Variants in KIF26B observed in about 807,000 individuals in gnomAD.
KIF26B encodes the protein kinesin family member 26B, also known as kinesin-like protein KIF26B.
A neutral mutation model predicts 151.2 loss-of-function variants in KIF26B; 63 were observed. The observed-to-expected ratio is 0.42, with a 90% CI of 0.34 to 0.51. The LOEUF is 0.51. KIF26B is among the 20% of genes least tolerant of loss of function. The pLI is 0.07. For synonymous variants in KIF26B, 1,357 were observed against 1,262.1 expected, an observed-to-expected ratio of 1.08 and a Z score of -1.59; for missense variants, 2,813 against 2,913.6, an observed-to-expected ratio of 0.97 and a Z score of 0.79.
intron 10 of KIF26B, among the ~76,000 whole-genome samples, chr1:245,674,745 T>G (rs1273401560): frequency 1.3e-5 from 2 of 152,332 alleles, no homozygotes; most frequent in Admixed American, 6.5e-5. Context: ...GCTGAGTTAC[T>G]GCAAAGAAAG....
chr1:245,371,198 C>G (rs528717172), intron 3 of KIF26B, among the ~76,000 whole-genome samples: 22 of 152,242 alleles, frequency 1.4e-4, no homozygotes, highest in African/African-American at 5.3e-4. Context: ...AGATTTGGTG[C>G]CTGGCTATGA....
intron 4 of KIF26B, among the ~76,000 whole-genome samples, chr1:245,469,263 C>G (rs535335435): frequency 3.3e-5 from 5 of 152,302 alleles, no homozygotes; most frequent in Admixed American, 1.3e-4. Flanking sequence ...CACTCCTGCA[C>G]TGTGGCATCC....
At chr1:245,247,497 A>G (rs1165896828) in intron 2 of KIF26B, among the ~76,000 whole-genome samples, 2 of 152,184 alleles carry the variant, frequency 1.3e-5, no homozygotes, top group African/African-American at 4.8e-5. Flanking sequence ...TTGGAGGAAT[A>G]GAAAATTGGT....
chr1:245,554,850 T>G (rs1457380147), intron 5 of KIF26B, among the ~76,000 whole-genome samples: 1 of 152,214 alleles, frequency 6.6e-6, no homozygotes, highest in Non-Finnish European at 1.5e-5. Context: ...CAATGGCATA[T>G]GTAAAACGTG....
At chr1:245,678,841 T>C (rs973570435) in intron 10 of KIF26B, among the ~76,000 whole-genome samples, 5 of 150,186 alleles carry the variant, frequency 3.3e-5, no homozygotes, top group East Asian at 2.0e-4. Context: ...CCAGCCCGGG[T>C]GACAGGGCAA....
intron 8 of KIF26B, among the ~76,000 whole-genome samples, chr1:245,610,624 T>C (rs756270782): frequency 1.3e-5 from 2 of 152,218 alleles, no homozygotes; most frequent in African/African-American, 2.4e-5. Flanking sequence ...TTTCTAGACA[T>C]TCAAATATGC....
intron 2 of KIF26B, among the ~76,000 whole-genome samples, chr1:245,273,818 G>C (rs1197024724): frequency 1.3e-5 from 2 of 152,046 alleles, no homozygotes; most frequent in Non-Finnish European, 2.9e-5. Flanking sequence ...AATCCATTTA[G>C]CTACTGTATG....
chr1:245,297,375 C>G (rs903709149), intron 2 of KIF26B, among the ~76,000 whole-genome samples: 1 of 152,046 alleles, frequency 6.6e-6, no homozygotes, highest in Non-Finnish European at 1.5e-5. Context: ...TTATTATTTC[C>G]ATGTTTACAG....
intron 2 of KIF26B, among the ~76,000 whole-genome samples, chr1:245,215,471 T>G (rs1669625962): frequency 6.6e-6 from 1 of 152,156 alleles, no homozygotes; most frequent in Non-Finnish European, 1.5e-5. Context: ...ATGCTGCTCC[T>G]CAGGGCCTGT....
chr1:245,398,954 A>G (rs555575998), intron 3 of KIF26B, among the ~76,000 whole-genome samples: 4 of 152,270 alleles, frequency 2.6e-5, no homozygotes, highest in Admixed American at 2.0e-4. Context: ...AAGCTCTTCG[A>G]TGCATATTTC....
At chr1:245,400,300 G>A (rs1209874809) in intron 3 of KIF26B, among the ~76,000 whole-genome samples, 7 of 152,122 alleles carry the variant, frequency 4.6e-5, no homozygotes, top group Admixed American at 2.0e-4. Flanking sequence ...GCTGCCCTAA[G>A]TATTTATCCT....
chr1:245,267,632 A>T (rs1391371037), intron 2 of KIF26B, among the ~76,000 whole-genome samples: 1 of 122,898 alleles, frequency 8.1e-6, no homozygotes, highest in East Asian at 2.5e-4. Context: ...CAGCTAAGTA[A>T]TGCACACACA....
At chr1:245,521,125 C>G (rs192575160) in intron 4 of KIF26B, among the ~76,000 whole-genome samples, 2,908 of 152,204 alleles carry the variant, frequency 0.019, 45 homozygotes, top group South Asian at 0.036. Context: ...ATCACGAGGT[C>G]AGGAGATCAA....
chr1:245,274,993 C>T (rs1000221332), intron 2 of KIF26B, among the ~76,000 whole-genome samples: 6 of 152,190 alleles, frequency 3.9e-5, no homozygotes, highest in Admixed American at 3.3e-4. Flanking sequence ...TCTATTGTTT[C>T]CTGACTTTTT....
In KIF26B at chr1:245,315,513, G is replaced by A. The variant is rs377511214; in HGVS notation, c.466-51321G>A. ...TAGGCAGGTGGATCACCTGAGGTCA[G>A]GAGTTCAAGACCAGCCTGGCCAATG... is the stretch of plus-strand genomic sequence containing the variant. On this transcript the variant is annotated intron_variant, in intron 2 of 14. Coordinates refer to ENST00000407071, the MANE Select transcript of KIF26B (RefSeq NM_018012.4). Among the ~76,000 whole-genome samples, 15 of 152,186 alleles carry A rather than the reference G, an allele frequency of 9.9e-5. No individual in the cohort carries two copies. The South Asian group carries it at 2.1e-3, about 21-fold the overall frequency.
rs57119269 is a variant in KIF26B, at chr1:245,601,955, A to G, written c.1351-622A>G. 0.035 allele frequency among the ~76,000 whole-genome samples: 5,359 copies of G among 152,286 alleles called. 302 individuals are homozygous for G. Among genetic ancestry groups the G allele is most frequent in the African/African-American group, 0.12 (5,071 of 41,554 alleles). ...CGCCTCCTGCTCCCTCCAGAGATGC[A>G]CTTCCATTCTCTGAAACGACAACTT... On this transcript the variant is annotated intron_variant, in intron 5 of 14. Coordinates refer to ENST00000407071, the MANE Select transcript of KIF26B (RefSeq NM_018012.4). This position sits in a 1 kb window ranked among gnomAD's most constrained non-coding sequence, Gnocchi z 4.4.
At chr1:245,155,531 T>G (rs1423255728) in intron 1 of KIF26B, 44 bp downstream of exon 1, 7 of 1,528,210 alleles carry the variant, frequency 4.6e-6, no homozygotes, top group Admixed American at 1.8e-5. Flanking sequence ...ACCAGACCCA[T>G]CTCGGCGGAG....
At position 245,704,546 on chromosome 1, in the gene KIF26B, A is replaced by G. The variant is rs1005268516; in HGVS notation, c.*1940A>G. 1.6e-4 allele frequency: 24 copies of G among 152,264 alleles called. No individual in the cohort carries two copies. The highest frequency in any genetic ancestry group is 2.4e-4 in the African/African-American group (10 of 41,464). 9.4% of individuals were successfully genotyped at this position (152,264 alleles called of 1,614,324 possible). On this transcript the variant is annotated 3_prime_UTR_variant, in exon 15 of 15. Transcript: ENST00000407071. ...CTATGCAAAGGTGCAAACAGGAGAC[A>G]TGCCCAAATCTGCTGGCTGAACAGG... is the stretch of plus-strand genomic sequence containing the variant.
At chr1:245,643,134 A>T (rs1253272500) in intron 9 of KIF26B, among the ~76,000 whole-genome samples, 2 of 152,218 alleles carry the variant, frequency 1.3e-5, no homozygotes, top group Admixed American at 1.3e-4. Context: ...TTTCTCAAGC[A>T]TATAGTAGAG....
Sources: allele counts gnomAD v4.1 joint callset (sites outside exome capture counted in the v4.1 genomes callset), GRCh38; gene constraint gnomAD v4.1.1; non-coding constraint Gnocchi (gnomAD v3.1); transcripts MANE v1.5; gene names NCBI Gene and HGNC (gene_info 2026-07-23, HGNC 2026-07-21).